HOXB3: variants seen among roughly 807,000 people sequenced by gnomAD.
The protein encoded by HOXB3 is homeobox B3.
In HOXB3, 17 loss-of-function variants were observed where a neutral mutation model predicts 29.2. The observed-to-expected ratio is 0.58, with a 90% CI of 0.40 to 0.87. HOXB3 has a LOEUF of 0.87. HOXB3 is among the 40% of genes least tolerant of loss of function. The pLI is 0.00. For missense variants in HOXB3, 637 were observed against 616.3 expected (o/e 1.03, Z -0.35); for synonymous variants, 317 against 285.9 (o/e 1.11, Z -1.10).
intron 2 of HOXB3, among the ~76,000 whole-genome samples, chr17:48,569,584 A>G (rs1466311525): frequency 6.6e-6 from 1 of 152,012 alleles, no homozygotes; most frequent in Admixed American, 6.6e-5. Context: ...ATCCTTTAGG[A>G]TTAAGGTTCC....
intron 1 of HOXB3, chr17:48,578,426 G>A: frequency 7.1e-7 from 1 of 1,416,090 alleles, no homozygotes; most frequent in Non-Finnish European, 9.3e-7. Context: ...AACAAAGTTA[G>A]GCGCCCACGT....
rs1217330106 is a variant in HOXB3 at position 48,554,663 on chromosome 17, G to C, written c.-159+868C>G. The C allele has an allele frequency of 8.5e-6, 6 of 702,180 alleles. No homozygotes were observed. In the African/African-American group the frequency reaches 1.0e-4, roughly 12 times the overall value. 43.5% of individuals were successfully genotyped at this position (702,180 alleles called of 1,614,324 possible). On this transcript the variant is annotated intron_variant, in intron 3 of 4. Coordinates refer to ENST00000498678, the MANE Select transcript of HOXB3 (RefSeq NM_001384749.1). The surrounding 1 kb of genome is among the most constrained non-coding windows in gnomAD (Gnocchi z 4.1). Reference sequence around the variant, plus strand: ...CCCAAGGAGGCGAAGAAGAGCAAGCGATCAGGACACCAAAACGGTTATCGG... The same window carrying C: ...CCCAAGGAGGCGAAGAAGAGCAAGCCATCAGGACACCAAAACGGTTATCGG...
intron 1 of HOXB3, chr17:48,574,960 C>T (rs2069712604): frequency 6.6e-6 from 1 of 152,192 alleles, no homozygotes; most frequent in Non-Finnish European, 1.5e-5. Flanking sequence ...TAAAAATACT[C>T]TGAAAACCTG....
At chr17:48,567,852 G>A (rs370266232) in intron 2 of HOXB3, among the ~76,000 whole-genome samples, 1 of 152,198 alleles carries the variant, frequency 6.6e-6, no homozygotes, top group African/African-American at 2.4e-5. Context: ...CTCCTGGGGT[G>A]TGAATTCATT....
intron 1 of HOXB3, chr17:48,576,788 CGAGCG>C (rs2069779513): frequency 1.2e-6 from 2 of 1,614,066 alleles, no homozygotes; most frequent in African/African-American, 1.3e-5. Context: ...CCGCACCACC[CGAGCG>C]GATCTTGGTG....
At chr17:48,563,357 G>GTC (rs962636827) in intron 2 of HOXB3, among the ~76,000 whole-genome samples, 2 of 152,162 alleles carry the variant, frequency 1.3e-5, no homozygotes, top group Admixed American at 1.3e-4. Flanking sequence ...AGAACATGGG[G>GTC]TCTCTCTCCT....
At chr17:48,578,128 G>T (rs770853578) in intron 1 of HOXB3, 2 of 1,524,708 alleles carry the variant, frequency 1.3e-6, no homozygotes, top group Non-Finnish European at 1.8e-6. Flanking sequence ...AGGCCGCGTA[G>T]CGCTGCACGG....
chr17:48,552,583 C>G lies in HOXB3; in HGVS notation c.-109G>C, dbSNP rs1597812307. The G allele has an allele frequency of 5.4e-6, 4 of 743,742 alleles. No individual in the cohort carries two copies. Among genetic ancestry groups the G allele is most frequent in the East Asian group, 2.9e-5 (1 of 34,620 alleles). 46.1% of individuals were successfully genotyped at this position (743,742 alleles called of 1,614,324 possible). ...CGTGACACGCCGGACCCCCCCCCCCCACCTCCCCTCTCTGCCCCCCTCCTC... is the reference window on the plus strand; with the variant it reads ...CGTGACACGCCGGACCCCCCCCCCCGACCTCCCCTCTCTGCCCCCCTCCTC... On this transcript the variant is annotated 5_prime_UTR_variant, in exon 4 of 5. Coordinates refer to ENST00000498678, the MANE Select transcript of HOXB3 (RefSeq NM_001384749.1).
In HOXB3 at chr17:48,552,420, A is replaced by G; in HGVS notation, c.55T>C (p.Ser19Pro). ...NAAAALFGGY[S>P]SYPGSNGFGF... ...AAGCCATTGCTGCCAGGGTACGAGG[A>G]ATAGCCTCCGAAGAGAGCAGCCGCG... The change falls in exon 4 of 5, where the codon TCC becomes CCC. Residue 19 changes from serine (S) to proline (P), a missense_variant. Transcript: ENST00000498678. 1 of 1,608,560 alleles carries G rather than the reference A, an allele frequency of 6.2e-7. No homozygotes were observed. The highest frequency in any genetic ancestry group is 8.5e-7 in the Non-Finnish European group (1 of 1,176,468).
Position 48,550,882 on chromosome 17 carries a change from T to G in HOXB3, c.748A>C (p.Lys250Gln). ...CCCCCCGACGACGAGGCCAATCCCT[T>G]GGCCTTCTGGTCCTTCTTGTACTTC... is the stretch of plus-strand genomic sequence containing the variant. The part of the protein sequence containing the change: ...RMKYKKDQKA[K>Q]GLASSSGGPS... Residue 250 changes from lysine to glutamine, a missense_variant, in exon 5 of 5, where the codon AAG (lysine) becomes CAG (glutamine). By Grantham distance (53) the Lys-to-Gln change is moderately conservative. Coordinates refer to ENST00000498678, the MANE Select transcript of HOXB3 (RefSeq NM_001384749.1). 6.2e-7 allele frequency: 1 copy of G among 1,613,960 alleles called. No individual in the cohort carries two copies. The highest frequency in any genetic ancestry group is 8.5e-7 in the Non-Finnish European group (1 of 1,179,926).
At chr17:48,568,651 G>GCACACACACACAC (rs1491485443) in intron 2 of HOXB3, among the ~76,000 whole-genome samples, 1 of 149,644 alleles carries the variant, frequency 6.7e-6, no homozygotes, top group Non-Finnish European at 1.5e-5. Context: ...ACACACGCGC[G>GCACACACACACAC]GACACACACA....
intron 1 of HOXB3, chr17:48,576,534 A>C: frequency 1.3e-5 from 6 of 461,680 alleles, no homozygotes; most frequent in Non-Finnish European, 1.9e-5. Context: ...GTGGCCCTCT[A>C]TTGTCATTTC....
intron 2 of HOXB3, among the ~76,000 whole-genome samples, chr17:48,561,308 T>C (rs1597829072): frequency 1.3e-5 from 2 of 151,838 alleles, no homozygotes; most frequent in East Asian, 3.9e-4. Flanking sequence ...TACTTAGCCC[T>C]TCTCCAAATG....
In HOXB3 at chr17:48,554,197, G is replaced by A. The variant is rs1846984942; in HGVS notation, c.-159+1334C>T. 5.5e-6 allele frequency: 1 copy of A among 181,576 alleles called. No individual in the cohort carries two copies. Among genetic ancestry groups the A allele is most frequent in the Non-Finnish European group, 1.2e-5 (1 of 85,078 alleles). 11.2% of individuals were successfully genotyped at this position (181,576 alleles called of 1,614,324 possible). A position where few individuals can be genotyped will look rare whatever the true frequency, so the allele number is the denominator to read the frequency against. ...TTTAACCAAAATTAGCTTCCAAGCA[G>A]CCCTGGCTGAAGGGGGAATTAATTA... is the stretch of plus-strand genomic sequence containing the variant. On this transcript the variant is annotated intron_variant, in intron 3 of 4. Transcript: ENST00000498678. The surrounding 1 kb of genome is among the most constrained non-coding windows in gnomAD (Gnocchi z 4.1).
chr17:48,587,985 C>A (rs542839298), intron 1 of HOXB3, among the ~76,000 whole-genome samples: 1 of 152,304 alleles, frequency 6.6e-6, no homozygotes, highest in South Asian at 2.1e-4. Flanking sequence ...AGGTTGAAGC[C>A]TGGACTGGCA....
At chr17:48,573,174 G>C (rs1258638765) in intron 2 of HOXB3, among the ~76,000 whole-genome samples, 1 of 152,196 alleles carries the variant, frequency 6.6e-6, no homozygotes, top group Non-Finnish European at 1.5e-5. Context: ...GAAGGCTGGG[G>C]GGACAGAGCA....
intron 1 of HOXB3, chr17:48,580,963 G>C (rs1325233920): frequency 1.3e-5 from 2 of 152,218 alleles, no homozygotes; most frequent in African/African-American, 4.8e-5. Context: ...AGCTGTGACA[G>C]AGTAAGGGAA....
chr17:48,573,987 C>A lies in HOXB3; in HGVS notation c.-397G>T. The A allele has an allele frequency of 3.0e-6, 2 of 669,352 alleles. No homozygotes were observed. Among genetic ancestry groups the A allele is most frequent in the South Asian group, 3.2e-5 (2 of 61,944 alleles). The allele number at this position is 669,352 out of a possible 1,614,324, so 41.5% of individuals were successfully genotyped here. ...CGGGAGAGACGGCTAACACTTTTTT[C>A]CCCCAACAGCCGGTCCAAGGAGATT... is the stretch of plus-strand genomic sequence containing the variant. On this transcript the variant is annotated 5_prime_UTR_variant, in exon 2 of 5. Coordinates refer to ENST00000498678, the MANE Select transcript of HOXB3 (RefSeq NM_001384749.1).
In HOXB3 at chr17:48,552,131, G is replaced by A. The variant is rs936342704; in HGVS notation, c.344C>T (p.Pro115Leu). Residue 115 changes from proline to leucine, a missense_variant, in exon 4 of 5, where the codon CCA becomes CTA. Pro to Leu is a moderately conservative substitution (Grantham distance 98). Transcript: ENST00000498678. ...NGGGPSKSGP[P>L]KCGPGTNSTL... The stretch of plus-strand genomic sequence containing the variant: ...GGAGTTGGTGCCGGGACCGCACTTT[G>A]GGGGACCACTTTTGCTGGGCCCGCC... 10 of 1,613,854 alleles carry A rather than the reference G, an allele frequency of 6.2e-6. No homozygotes were observed. Among genetic ancestry groups the A allele is most frequent in the Non-Finnish European group, 8.5e-6 (10 of 1,179,916 alleles).
Sources: allele counts gnomAD v4.1 joint callset (sites outside exome capture counted in the v4.1 genomes callset), GRCh38; gene constraint gnomAD v4.1.1; non-coding constraint Gnocchi (gnomAD v3.1); transcripts MANE v1.5; gene names NCBI Gene and HGNC (gene_info 2026-07-23, HGNC 2026-07-21).